NELL1: variants seen among roughly 807,000 people sequenced by gnomAD.
NELL1 encodes neural EGFL like 1, also known as protein kinase C-binding protein NELL1.
A neutral mutation model predicts 107.4 loss-of-function variants in NELL1; 76 were observed. That is an observed-to-expected ratio of 0.71 (90% CI 0.59 to 0.86). The LOEUF (loss-of-function observed/expected upper bound fraction) is 0.86. Among genes scored for constraint, NELL1 ranks in the 40% least tolerant of loss-of-function variants. NELL1 has a pLI of 0.00. For missense variants in NELL1, 1,024 were observed against 1,005.5 expected (o/e 1.02, Z -0.25); for synonymous variants, 353 against 341.2 (o/e 1.03, Z -0.38).
intron 13 of NELL1, among the ~76,000 whole-genome samples, chr11:21,162,502 G>T (rs1432285349): frequency 1.3e-5 from 2 of 152,168 alleles, no homozygotes; most frequent in Admixed American, 6.5e-5. Context: ...TTGTCTTAGA[G>T]TGGTATAGTG....
chr11:21,032,174 A>G (rs1182070994), intron 12 of NELL1, among the ~76,000 whole-genome samples: 5 of 151,970 alleles, frequency 3.3e-5, no homozygotes, highest in African/African-American at 1.2e-4. Context: ...AATCTAGGTC[A>G]GGCATTGTAC....
chr11:20,848,887 T>G (rs1848748044), intron 4 of NELL1, among the ~76,000 whole-genome samples: 1 of 152,234 alleles, frequency 6.6e-6, no homozygotes, highest in Non-Finnish European at 1.5e-5. Flanking sequence ...TCCATTTTGA[T>G]ATGACCTATT....
intron 15 of NELL1, among the ~76,000 whole-genome samples, chr11:21,493,921 T>A: frequency 6.6e-6 from 1 of 151,992 alleles, no homozygotes; most frequent in East Asian, 1.9e-4. Flanking sequence ...GGTGTGGATC[T>A]ATCACAATTT....
In NELL1 at chr11:21,534,412, A is replaced by G; in HGVS notation, c.1684A>G (p.Asn562Asp). Residue 562 changes from asparagine (N) to aspartate (D), a missense_variant, in exon 16 of 20, where the codon AAC (asparagine) becomes GAC (aspartate). Coordinates refer to ENST00000357134, the MANE Select transcript of NELL1 (RefSeq NM_006157.5). The part of the protein sequence containing the change: ...ECSEGIIECH[N>D]HSRCVNLPGW... ...TTCAGAGGGAATCATTGAGTGCCAC[A>G]ACCATTCCCGCTGCGTTAACCTGCC... 1 of 1,613,878 alleles carries G rather than the reference A, an allele frequency of 6.2e-7. No individual in the cohort carries two copies. Among genetic ancestry groups the G allele is most frequent in the Non-Finnish European group, 8.5e-7 (1 of 1,179,858 alleles).
At chr11:21,533,020 T>G (rs1856032234) in intron 15 of NELL1, among the ~76,000 whole-genome samples, 1 of 152,182 alleles carries the variant, frequency 6.6e-6, no homozygotes, top group African/African-American at 2.4e-5. Context: ...CTGCAATATC[T>G]GAAGATCCTA....
chr11:21,387,774 G>C (rs995587069), intron 15 of NELL1, among the ~76,000 whole-genome samples: 2 of 151,700 alleles, frequency 1.3e-5, no homozygotes, highest in Admixed American at 1.3e-4. Context: ...ACACCACATC[G>C]ATATTCTGAG....
intron 14 of NELL1, among the ~76,000 whole-genome samples, chr11:21,281,561 G>A (rs528759003): frequency 6.6e-6 from 1 of 151,734 alleles, no homozygotes; most frequent in African/African-American, 2.4e-5. Context: ...AGTGAACTTA[G>A]GGGGTAGCCA....
intron 15 of NELL1, among the ~76,000 whole-genome samples, chr11:21,396,634 T>C (rs1017001999): frequency 6.6e-6 from 1 of 151,616 alleles, no homozygotes; most frequent in East Asian, 2.0e-4. Flanking sequence ...AAATAATTAT[T>C]AATGCATGAT....
intron 13 of NELL1, among the ~76,000 whole-genome samples, chr11:21,227,402 CT>C (rs1264731980): frequency 2.6e-5 from 4 of 152,162 alleles, no homozygotes; most frequent in African/African-American, 9.7e-5. Flanking sequence ...CACTTATCTT[CT>C]GTGTTCCGGT....
chr11:21,326,438 CTG>C (rs1850144217), intron 14 of NELL1, among the ~76,000 whole-genome samples: 1 of 152,000 alleles, frequency 6.6e-6, no homozygotes, highest in South Asian at 2.1e-4. Context: ...GGTCCAATGT[CTG>C]TGTCTTCATT....
chr11:20,973,457 G>A lies in NELL1; in HGVS notation c.1300+12897G>A, dbSNP rs1329238983. 4.6e-5 allele frequency among the ~76,000 whole-genome samples: 7 copies of A among 152,112 alleles called. No individual in the cohort carries two copies. The East Asian group carries it at 9.6e-4, about 21-fold the overall frequency. On this transcript the variant is annotated intron_variant, in intron 12 of 19. Coordinates refer to ENST00000357134, the MANE Select transcript of NELL1 (RefSeq NM_006157.5). ...TTTTTTAGGTTAAGAGCTATTCAAA[G>A]GCCAGAGCTGTTTCTGATTCATCTT...
At position 20,760,112 on chromosome 11, in the gene NELL1, C is replaced by A. The variant is rs567980669; in HGVS notation, c.185-23568C>A. 3.3e-5 allele frequency among the ~76,000 whole-genome samples: 5 copies of A among 152,176 alleles called. No individual in the cohort carries two copies. The East Asian group carries it at 9.6e-4, about 29-fold the overall frequency. The stretch of plus-strand genomic sequence containing the variant: ...CAAACAAAGGTCTCAGAACATATAG[C>A]GGCTATATGGTGTGGGTTGGGAGGT... On this transcript the variant is annotated intron_variant, in intron 2 of 19. Coordinates refer to ENST00000357134, the MANE Select transcript of NELL1 (RefSeq NM_006157.5).
chr11:21,501,095 C>A (rs992239197), intron 15 of NELL1, among the ~76,000 whole-genome samples: 1 of 151,898 alleles, frequency 6.6e-6, no homozygotes, highest in Non-Finnish European at 1.5e-5. Context: ...GTAAATTGTC[C>A]CTGAAAGTAT....
intron 14 of NELL1, among the ~76,000 whole-genome samples, chr11:21,256,463 G>A (rs1008301055): frequency 2.6e-5 from 4 of 152,034 alleles, no homozygotes; most frequent in South Asian, 2.1e-4. Flanking sequence ...GGATCTACTA[G>A]CACTGGCATT....
chr11:21,232,234 G>T (rs1419856243), intron 14 of NELL1, among the ~76,000 whole-genome samples: 1 of 148,308 alleles, frequency 6.7e-6, no homozygotes, highest in Non-Finnish European at 1.5e-5. Context: ...GGAGGCTGAG[G>T]CAGGCGAATT....
intron 15 of NELL1, among the ~76,000 whole-genome samples, chr11:21,471,157 G>A (rs1393788169): frequency 2.6e-5 from 4 of 151,826 alleles, no homozygotes; most frequent in Middle Eastern, 3.2e-3. Context: ...GTCATAAAAC[G>A]ACAAGAAGAA....
At chr11:21,069,990 G>T (rs1407310708) in intron 12 of NELL1, among the ~76,000 whole-genome samples, 1 of 152,086 alleles carries the variant, frequency 6.6e-6, no homozygotes, top group Non-Finnish European at 1.5e-5. Context: ...ATAGATAGAC[G>T]CTCATAGATA....
chr11:21,377,519 A>T (rs929450067), intron 15 of NELL1, among the ~76,000 whole-genome samples: 1 of 152,056 alleles, frequency 6.6e-6, no homozygotes, highest in Non-Finnish European at 1.5e-5. Context: ...TTATCATTGT[A>T]CCTTTGTCAG....
chr11:21,271,413 T>C (rs1188427366), intron 14 of NELL1, among the ~76,000 whole-genome samples: 1 of 152,212 alleles, frequency 6.6e-6, no homozygotes. Context: ...TCTTGAAAGA[T>C]AATTCTCACA....
Sources: gnomAD v4.1 joint callset for allele counts (sites outside exome capture counted in the v4.1 genomes callset) on GRCh38, gnomAD v4.1.1 for gene constraint, MANE v1.5 for transcripts, NCBI Gene and HGNC (gene_info 2026-07-23, HGNC 2026-07-21) for gene names.